The following SH3RF1 variants were observed in gnomAD, a reference collection of about 807,000 sequenced individuals.
SH3RF1 encodes the protein E3 ubiquitin-protein ligase SH3RF1.
SH3RF1 carries 32 observed loss-of-function variants against 74.0 expected under a neutral mutation model. That is an observed-to-expected ratio of 0.43 (90% CI 0.33 to 0.58). The LOEUF is 0.58. Ranked by LOEUF, SH3RF1 falls within the 20% of genes least tolerant of loss-of-function variation. The probability of loss-of-function intolerance (pLI) is 0.05; values close to 1 mark genes in which losing one functional copy is unlikely to be tolerated. For synonymous variants in SH3RF1, 396 were observed against 439.6 expected (o/e 0.90, Z 1.24); for missense variants, 954 against 1,130.9 (o/e 0.84, Z 2.24).
At chr4:169,236,218 C>T (rs1178280107) in intron 2 of SH3RF1, among the ~76,000 whole-genome samples, 2 of 152,216 alleles carry the variant, frequency 1.3e-5, no homozygotes, top group East Asian at 3.8e-4. Context: ...GGAATCATGG[C>T]CTAGTAACTC....
At chr4:169,202,545 A>G (rs887870558) in intron 2 of SH3RF1, among the ~76,000 whole-genome samples, 1 of 152,224 alleles carries the variant, frequency 6.6e-6, no homozygotes, top group African/African-American at 2.4e-5. Context: ...GCTTACAGCT[A>G]GCTTATAATT....
chr4:169,248,831 C>G (rs2110742951), intron 2 of SH3RF1, among the ~76,000 whole-genome samples: 1 of 152,262 alleles, frequency 6.6e-6, no homozygotes, highest in South Asian at 2.1e-4. Flanking sequence ...CCTCATAGAA[C>G]TACTCAACAT....
At chr4:169,163,562 G>T (rs531347992) in intron 2 of SH3RF1, among the ~76,000 whole-genome samples, 42 of 152,158 alleles carry the variant, frequency 2.8e-4, no homozygotes, top group Non-Finnish European at 3.1e-4. Context: ...CAGTAACAAG[G>T]ATAATTCCTG....
At chr4:169,169,698 AATT>A (rs1403422402) in intron 2 of SH3RF1, among the ~76,000 whole-genome samples, 16 of 152,292 alleles carry the variant, frequency 1.1e-4, no homozygotes, top group Admixed American at 3.9e-4. Flanking sequence ...ACCACTTAAA[AATT>A]TTTTATTTAA....
At chr4:169,147,785 C>T (rs1038622417) in intron 4 of SH3RF1, among the ~76,000 whole-genome samples, 1 of 152,148 alleles carries the variant, frequency 6.6e-6, no homozygotes, top group Non-Finnish European at 1.5e-5. Context: ...CATTTATATG[C>T]CACACATGCA....
At chr4:169,156,297 A>G in intron 3 of SH3RF1, 107 bp downstream of exon 3, 1 of 1,317,130 alleles carries the variant, frequency 7.6e-7, no homozygotes, top group South Asian at 1.8e-5. Context: ...AGTAGTTCAC[A>G]CAAAACTTGT....
At chr4:169,105,038 T>C (rs1301824210) in intron 11 of SH3RF1, among the ~76,000 whole-genome samples, 6 of 152,198 alleles carry the variant, frequency 3.9e-5, no homozygotes, top group African/African-American at 1.2e-4. Context: ...GGCCTCAGGT[T>C]TTGGTGGATA....
chr4:169,117,844 T>C, intron 8 of SH3RF1, 62 bp from the exon 9 acceptor site: 1 of 1,548,170 alleles, frequency 6.5e-7, no homozygotes, highest in Middle Eastern at 1.7e-4. Flanking sequence ...GAAAGAACAA[T>C]TAAATGCAAG....
chr4:169,116,618 T>A lies in SH3RF1; in HGVS notation c.1790A>T (p.Asn597Ile), dbSNP rs1460922952. 35 of 1,541,506 alleles carry A rather than the reference T, an allele frequency of 2.3e-5. No individual in the cohort carries two copies. The highest frequency in any genetic ancestry group is 3.0e-5 in the Non-Finnish European group (34 of 1,140,628). Residue 597 changes from asparagine (N) to isoleucine (I), a missense_variant, in exon 10 of 12, where the codon AAC (asparagine) becomes ATC (isoleucine). Around this residue, in one of 3 missense-constraint regions of SH3RF1, gnomAD observed 854 missense variants for 962.5 expected, o/e 0.89. Transcript: ENST00000284637. ...CACTGCTGCCGTGGGGCGTTCCTGG[T>A]TGTGCGCTGCAACTAGTAGATGGGA... ...RNAVRTVAAH[N>I]QERPTAAVTP... is the part of the protein sequence containing the mutation.
chr4:169,102,033 C>T (rs894334306), intron 11 of SH3RF1, among the ~76,000 whole-genome samples: 1 of 152,088 alleles, frequency 6.6e-6, no homozygotes, highest in Non-Finnish European at 1.5e-5. Flanking sequence ...CTCTGTAGTT[C>T]ATACATTTTC....
At chr4:169,236,278 A>C (rs1730822330) in intron 2 of SH3RF1, among the ~76,000 whole-genome samples, 1 of 152,236 alleles carries the variant, frequency 6.6e-6, no homozygotes, top group Non-Finnish European at 1.5e-5. Flanking sequence ...TCCAGATGGA[A>C]GCTTTAAGCC....
chr4:169,176,385 T>C (rs908370675), intron 2 of SH3RF1, among the ~76,000 whole-genome samples: 4 of 152,244 alleles, frequency 2.6e-5, no homozygotes, highest in African/African-American at 9.6e-5. Context: ...GACACAAACC[T>C]GTAAGTCATG....
chr4:169,201,589 A>G (rs1486048170), intron 2 of SH3RF1, among the ~76,000 whole-genome samples: 1 of 152,206 alleles, frequency 6.6e-6, no homozygotes, highest in African/African-American at 2.4e-5. Context: ...AGCCACTTTC[A>G]TAACAACAAC....
At chr4:169,228,920 T>C (rs1300681706) in intron 2 of SH3RF1, among the ~76,000 whole-genome samples, 2 of 151,854 alleles carry the variant, frequency 1.3e-5, no homozygotes, top group African/African-American at 4.8e-5. Flanking sequence ...AATTTTACTT[T>C]AAAAAAACAA....
At chr4:169,255,908 C>A (rs918394063) in intron 2 of SH3RF1, among the ~76,000 whole-genome samples, 1 of 152,026 alleles carries the variant, frequency 6.6e-6, no homozygotes, top group South Asian at 2.1e-4. Flanking sequence ...GCTGAGAGAG[C>A]AGGCACGAGC....
intron 2 of SH3RF1, among the ~76,000 whole-genome samples, chr4:169,225,411 A>C (rs1037640656): frequency 2.6e-5 from 4 of 152,230 alleles, no homozygotes; most frequent in Admixed American, 2.6e-4. Context: ...AGACGGAAAG[A>C]GGATCACCAC....
intron 8 of SH3RF1, 140 bp from the exon 9 acceptor site, chr4:169,117,922 A>C (rs1307188750): frequency 3.5e-6 from 4 of 1,137,960 alleles, no homozygotes; most frequent in Non-Finnish European, 3.7e-6. Context: ...TATAAAGTTT[A>C]AGAATAGAAA....
chr4:169,230,064 G>A lies in SH3RF1; in HGVS notation c.393+38756C>T, dbSNP rs1363761564. Among the ~76,000 whole-genome samples the A allele has an allele frequency of 2.0e-5, 3 of 151,966 alleles. 1 individual carries two copies. The highest frequency in any genetic ancestry group is 4.4e-5 in the Non-Finnish European group (3 of 67,992). On this transcript the variant is annotated intron_variant, in intron 2 of 11. Coordinates refer to ENST00000284637, the MANE Select transcript of SH3RF1 (RefSeq NM_020870.4). The stretch of plus-strand genomic sequence containing the variant: ...CTACTATAAATACAAAAATTAGCCA[G>A]GCGTGGTGGTGCATGCCTGTAATCC...
chr4:169,268,063 G>A (rs1182089455), intron 2 of SH3RF1, among the ~76,000 whole-genome samples: 2 of 151,650 alleles, frequency 1.3e-5, no homozygotes, highest in African/African-American at 2.4e-5. Flanking sequence ...AATAAATACA[G>A]ATTATTTATA....
Sources: gnomAD v4.1 joint callset for allele counts (sites outside exome capture counted in the v4.1 genomes callset) on GRCh38, gnomAD v4.1.1 for gene constraint, gnomAD v4.1.1 regional missense constraint, MANE v1.5 for transcripts, NCBI Gene and HGNC (gene_info 2026-07-23, HGNC 2026-07-21) for gene names.